ACYP2: variants seen among roughly 807,000 people sequenced by gnomAD.
ACYP2 encodes acylphosphatase-2.
Under a neutral mutation model 11.2 loss-of-function variants are expected in ACYP2, and 12 were observed. That is an observed-to-expected ratio of 1.08 (90% CI 0.69 to 1.74). ACYP2 has a LOEUF of 1.74. Among genes scored for constraint, ACYP2 ranks in the 40% most tolerant of loss-of-function variants. The pLI is 0.00. For synonymous variants in ACYP2, 43 were observed against 32.2 expected (o/e 1.33, Z -1.13); for missense variants, 134 against 101.9 (o/e 1.31, Z -1.35).
intron 2 of ACYP2, among the ~76,000 whole-genome samples, chr2:53,996,203 A>G (rs576629234): frequency 5.9e-5 from 9 of 152,304 alleles, no homozygotes; most frequent in African/African-American, 2.2e-4. Context: ...TTCTAAGAGA[A>G]TAAGATTCCT....
At chr2:54,267,226 A>G (rs1688075254) in intron 6 of ACYP2, 1 of 1,514,242 alleles carries the variant, frequency 6.6e-7, no homozygotes, top group African/African-American at 1.4e-5. Flanking sequence ...AGTGCCTGGC[A>G]CAAAGAAGCT....
intron 1 of ACYP2, among the ~76,000 whole-genome samples, chr2:53,972,187 G>T (rs2104501648): frequency 6.6e-6 from 1 of 151,464 alleles, no homozygotes; most frequent in South Asian, 2.1e-4. Flanking sequence ...GCGGACGCCT[G>T]TAATCCCAGC....
At chr2:54,035,119 CTTCTCTAGGCCCCAGT>C (rs1277156111) in intron 2 of ACYP2, among the ~76,000 whole-genome samples, 1 of 150,614 alleles carries the variant, frequency 6.6e-6, no homozygotes, top group Non-Finnish European at 1.5e-5. Context: ...AATCACTTAA[CTTCTCTAGGCCCCAGT>C]TTCTTTTTCG....
At chr2:54,011,491 A>C (rs1673369742) in intron 2 of ACYP2, among the ~76,000 whole-genome samples, 1 of 152,174 alleles carries the variant, frequency 6.6e-6, no homozygotes. Flanking sequence ...GTTCTCTCTC[A>C]TAATAATAGG....
chr2:54,258,641 C>T (rs1175982052), intron 6 of ACYP2, among the ~76,000 whole-genome samples: 1 of 152,086 alleles, frequency 6.6e-6, no homozygotes, highest in Non-Finnish European at 1.5e-5. Flanking sequence ...TTAGGGGGAT[C>T]TTTTGGGAGG....
intron 4 of ACYP2, among the ~76,000 whole-genome samples, chr2:54,108,852 A>T (rs928047861): frequency 1.3e-5 from 2 of 152,132 alleles, no homozygotes; most frequent in Non-Finnish European, 2.9e-5. Context: ...AAAGGACTCA[A>T]TGCTAATTAT....
At chr2:54,082,341 G>T (rs1677707895) in intron 4 of ACYP2, among the ~76,000 whole-genome samples, 1 of 151,886 alleles carries the variant, frequency 6.6e-6, no homozygotes, top group African/African-American at 2.4e-5. Flanking sequence ...TGCCTCGCAG[G>T]TTCAAGCGGT....
At chr2:54,003,735 A>G (rs1282914414) in intron 2 of ACYP2, among the ~76,000 whole-genome samples, 1 of 152,198 alleles carries the variant, frequency 6.6e-6, no homozygotes, top group East Asian at 1.9e-4. Context: ...GTTTCAACTC[A>G]TTTGGGTAAA....
chr2:54,186,714 A>G (rs1169998606), intron 6 of ACYP2, among the ~76,000 whole-genome samples: 1 of 151,960 alleles, frequency 6.6e-6, no homozygotes, highest in Non-Finnish European at 1.5e-5. Flanking sequence ...GGGCTTCACC[A>G]TGTTGGCCAG....
intron 4 of ACYP2, among the ~76,000 whole-genome samples, chr2:54,073,318 G>A (rs1677161877): frequency 6.6e-6 from 1 of 151,858 alleles, no homozygotes; most frequent in African/African-American, 2.4e-5. Context: ...CTTGAGCCCA[G>A]GAGTTTGAGT....
At chr2:54,249,186 AAG>A (rs1258385095) in intron 6 of ACYP2, among the ~76,000 whole-genome samples, 4 of 152,268 alleles carry the variant, frequency 2.6e-5, no homozygotes, top group South Asian at 4.1e-4. Context: ...ATGATGGGAA[AAG>A]AGAGATAATA....
chr2:53,993,263 A>C (rs1168867701), intron 2 of ACYP2, among the ~76,000 whole-genome samples: 1 of 152,130 alleles, frequency 6.6e-6, no homozygotes, highest in African/African-American at 2.4e-5. Context: ...TTGGGATCAG[A>C]AATCAGAAGT....
chr2:54,173,571 T>C (rs1178216063), intron 6 of ACYP2, among the ~76,000 whole-genome samples: 1 of 152,240 alleles, frequency 6.6e-6, no homozygotes, highest in Admixed American at 6.5e-5. Flanking sequence ...ATTTCGGCTT[T>C]TGTTGCCATT....
At chr2:54,291,965 A>G (rs1689327356) in intron 6 of ACYP2, among the ~76,000 whole-genome samples, 1 of 152,184 alleles carries the variant, frequency 6.6e-6, no homozygotes, top group Non-Finnish European at 1.5e-5. Context: ...TAACTAAACT[A>G]TTTTACAACT....
intron 2 of ACYP2, among the ~76,000 whole-genome samples, chr2:54,033,460 G>T (rs1674703213): frequency 6.6e-6 from 1 of 151,742 alleles, no homozygotes; most frequent in Non-Finnish European, 1.5e-5. Flanking sequence ...CAAACTTCCT[G>T]TCTCAGCCTC....
intron 3 of ACYP2, among the ~76,000 whole-genome samples, chr2:54,053,898 T>A (rs941777944): frequency 6.6e-6 from 1 of 152,250 alleles, no homozygotes. Context: ...TTACTCTCAC[T>A]GGGAGAGGGC....
rs77600178 is a variant in ACYP2, at chr2:54,152,135, T to C, written c.404+13387T>C. ...TGACTCTTTTTTTTTTTTTTTTTTT[T>C]TGAGGCAGAGTTTTGCTCTGTTCCC... On this transcript the variant is annotated intron_variant, in intron 6 of 6. Transcript: ENST00000607452. Among the ~76,000 whole-genome samples the C allele has an allele frequency of 2.7e-5, 4 of 150,094 alleles. No individual in the cohort carries two copies. The South Asian group carries it at 8.4e-4, about 32-fold the overall frequency.
chr2:54,156,758 C>G (rs529775820), intron 6 of ACYP2, among the ~76,000 whole-genome samples: 27 of 152,002 alleles, frequency 1.8e-4, no homozygotes, highest in Admixed American at 7.9e-4. Context: ...CTCCACCTCC[C>G]GGGTTCAAGC....
At chr2:54,271,015 C>T (rs1200598142) in intron 6 of ACYP2, among the ~76,000 whole-genome samples, 3 of 152,304 alleles carry the variant, frequency 2.0e-5, no homozygotes, top group African/African-American at 7.2e-5. Context: ...TTTGAAACCA[C>T]GTTTGCAGAG....
Sources: allele counts gnomAD v4.1 joint callset (sites outside exome capture counted in the v4.1 genomes callset), GRCh38; gene constraint gnomAD v4.1.1; transcripts MANE v1.5; gene names NCBI Gene and HGNC (gene_info 2026-07-23, HGNC 2026-07-21).